The following TIAM1 variants were observed in gnomAD, a reference collection of about 807,000 sequenced individuals.
TIAM1 encodes TIAM Rac1 associated GEF 1.
TIAM1 carries 65 observed loss-of-function variants against 163.5 expected under a neutral mutation model. That is an observed-to-expected ratio of 0.40 (90% CI 0.33 to 0.49). TIAM1 has a LOEUF of 0.49. Ranked by LOEUF, TIAM1 falls within the 20% of genes least tolerant of loss-of-function variation. TIAM1 has a pLI of 0.77. For missense variants in TIAM1, 1,789 were observed against 2,044.7 expected (o/e 0.87, Z 2.41); for synonymous variants, 833 against 810.1 (o/e 1.03, Z -0.48).
chr21:31,535,076 G>A (rs200178102), intron 1 of TIAM1, among the ~76,000 whole-genome samples: 1 of 151,566 alleles, frequency 6.6e-6, no homozygotes, highest in East Asian at 2.0e-4. Flanking sequence ...GGTGACAGAG[G>A]AAGACCCTGT....
At chr21:31,295,306 T>C (rs1212619606) in intron 2 of TIAM1, among the ~76,000 whole-genome samples, 1 of 151,840 alleles carries the variant, frequency 6.6e-6, no homozygotes, top group African/African-American at 2.4e-5. Context: ...CCGTCTCTAC[T>C]AAAAATACAA....
chr21:31,195,669 A>G (rs1408146920), intron 12 of TIAM1, among the ~76,000 whole-genome samples: 3 of 152,230 alleles, frequency 2.0e-5, no homozygotes, highest in African/African-American at 7.2e-5. Context: ...TATGGAATTC[A>G]TGGAAATAAG....
intron 16 of TIAM1, among the ~76,000 whole-genome samples, chr21:31,156,018 T>A (rs1423600398): frequency 1.3e-5 from 2 of 152,238 alleles, no homozygotes; most frequent in Admixed American, 6.5e-5. Flanking sequence ...CTGTTTTGTG[T>A]AGGTCAGAAA....
chr21:31,223,414 G>A lies in TIAM1; in HGVS notation c.1987C>T (p.His663Tyr). The A allele has an allele frequency of 6.2e-7, 1 of 1,611,666 alleles. No individual in the cohort carries two copies. The highest frequency in any genetic ancestry group is 8.5e-7 in the Non-Finnish European group (1 of 1,178,590). ...CATTAGCTTCTACTCACCAGGGCATGAAACGATGATACCGAAAAGATTCCA... is the reference window on the plus strand; with the variant it reads ...CATTAGCTTCTACTCACCAGGGCATAAAACGATGATACCGAAAAGATTCCA... ...RLGIFSVSSF[H>Y]ALVAARTGET... The change falls in exon 8 of 28, where the codon CAT becomes TAT. Residue 663 changes from histidine to tyrosine, a missense_variant. By Grantham distance (83) the His-to-Tyr change is moderately conservative (BLOSUM62 2). This residue lies in a region of TIAM1 where 456 missense variants were observed against 586.6 expected (regional missense o/e 0.78). Transcript: ENST00000541036.
intron 6 of TIAM1, among the ~76,000 whole-genome samples, chr21:31,239,827 T>G (rs958187840): frequency 2.0e-5 from 3 of 152,224 alleles, no homozygotes; most frequent in African/African-American, 7.2e-5. Flanking sequence ...TTAAAAAATC[T>G]CAGTATCAAG....
rs531088655 is a variant in TIAM1 at position 31,445,030 on chromosome 21, A to AGAGAG, written c.-369+18952_-369+18953insCTCTC. ...AAAGGAAAACAAAGAACAGAAGAGA[A>AGAGAG]GAGAAAAGAAAGAACAGAATGCAAA... On this transcript the variant is annotated intron_variant, in intron 2 of 28. Transcript: ENST00000286827. Among the ~76,000 whole-genome samples the AGAGAG allele has an allele frequency of 1.5e-3, 225 of 151,696 alleles. 2 individuals are homozygous for AGAGAG. Among genetic ancestry groups the AGAGAG allele is most frequent in the African/African-American group, 5.3e-3 (219 of 41,374 alleles).
chr21:31,314,234 T>C (rs1355690469), intron 2 of TIAM1, among the ~76,000 whole-genome samples: 1 of 152,192 alleles, frequency 6.6e-6, no homozygotes, highest in Non-Finnish European at 1.5e-5. Flanking sequence ...ACACTGACCC[T>C]TGGCAAGGAT....
chr21:31,294,698 A>G (rs1022068385), intron 2 of TIAM1, among the ~76,000 whole-genome samples: 1 of 152,230 alleles, frequency 6.6e-6, no homozygotes, highest in African/African-American at 2.4e-5. Flanking sequence ...TTTTTCCAGT[A>G]GTGATTTTCC....
chr21:31,134,940 T>C (rs1338892524), intron 23 of TIAM1, among the ~76,000 whole-genome samples: 2 of 152,172 alleles, frequency 1.3e-5, no homozygotes, highest in Admixed American at 1.3e-4. Context: ...TTGCATTAAA[T>C]ACTTTGATTT....
At chr21:31,555,641 CT>C (rs1261617837) in intron 1 of TIAM1, among the ~76,000 whole-genome samples, 2 of 152,158 alleles carry the variant, frequency 1.3e-5, no homozygotes, top group African/African-American at 4.8e-5. Flanking sequence ...GAAGCCCCCT[CT>C]CCCGGCACAG....
intron 2 of TIAM1, among the ~76,000 whole-genome samples, chr21:31,403,658 A>T (rs553744805): frequency 6.6e-6 from 1 of 152,282 alleles, no homozygotes; most frequent in East Asian, 1.9e-4. Context: ...AATACACATA[A>T]CATACAAACA....
At chr21:31,133,561 C>T (rs1167339526) in intron 23 of TIAM1, among the ~76,000 whole-genome samples, 1 of 152,240 alleles carries the variant, frequency 6.6e-6, no homozygotes, top group East Asian at 1.9e-4. Context: ...GTACCTAAAT[C>T]CCCAACCTCA....
intron 2 of TIAM1, among the ~76,000 whole-genome samples, chr21:31,358,527 T>G (rs2147130144): frequency 6.6e-6 from 1 of 152,280 alleles, no homozygotes; most frequent in African/African-American, 2.4e-5. Context: ...TCCAGGTGCC[T>G]TTCCCAGCTG....
At chr21:31,175,595 G>A (rs2084721840) in intron 15 of TIAM1, among the ~76,000 whole-genome samples, 1 of 151,952 alleles carries the variant, frequency 6.6e-6, no homozygotes, top group Non-Finnish European at 1.5e-5. Flanking sequence ...CTCAATAAAT[G>A]CTTTATAAAA....
At chr21:31,124,472 C>T in intron 27 of TIAM1, 50 bp downstream of exon 27, 1 of 1,606,634 alleles carries the variant, frequency 6.2e-7, no homozygotes. Flanking sequence ...TGGAGTTCTA[C>T]TGCGGAGTGG....
chr21:31,396,759 G>C (rs1345968750), intron 2 of TIAM1, among the ~76,000 whole-genome samples: 1 of 151,856 alleles, frequency 6.6e-6, no homozygotes, highest in African/African-American at 2.4e-5. Context: ...AGACCAGCCT[G>C]GCTTCACATG....
In TIAM1 at chr21:31,462,188, A is replaced by G. The variant is rs2045352708; in HGVS notation, c.-369+1795T>C. On this transcript the variant is annotated intron_variant, in intron 2 of 28. Coordinates refer to the TIAM1 transcript ENST00000286827. ...CAGGCTTTATAGGCCATATTTCACA[A>G]CTACTCAACTCTGCTGTTGTAACAA... Among the ~76,000 whole-genome samples, 9 of 152,352 alleles carry G rather than the reference A, an allele frequency of 5.9e-5. No individual in the cohort carries two copies. The South Asian group carries it at 1.9e-3, about 32-fold the overall frequency.
At chr21:31,242,439 C>T (rs1272059807) in intron 6 of TIAM1, among the ~76,000 whole-genome samples, 2 of 152,072 alleles carry the variant, frequency 1.3e-5, no homozygotes, top group Admixed American at 6.6e-5. Context: ...GGGAGGATTG[C>T]TCAGCCCAGG....
chr21:31,181,473 C>T (rs1568980017), intron 15 of TIAM1, among the ~76,000 whole-genome samples: 2 of 145,672 alleles, frequency 1.4e-5, no homozygotes, highest in Non-Finnish European at 3.0e-5. Context: ...AGAATGAGCA[C>T]AGGTTGCCAG....
Sources: gnomAD v4.1 joint callset for allele counts (sites outside exome capture counted in the v4.1 genomes callset) on GRCh38, gnomAD v4.1.1 for gene constraint, gnomAD v4.1.1 regional missense constraint, MANE v1.5 for transcripts, NCBI Gene and HGNC (gene_info 2026-07-23, HGNC 2026-07-21) for gene names.